Variants in TRPM3 observed in about 807,000 individuals in gnomAD.
TRPM3 encodes the protein transient receptor potential cation channel subfamily M member 3.
A neutral mutation model predicts 181.2 loss-of-function variants in TRPM3; 77 were observed. The ratio of observed to expected loss-of-function variants is 0.42; its 90% CI spans 0.35 to 0.51. The LOEUF (loss-of-function observed/expected upper bound fraction) is 0.51, where lower values mean the gene tolerates loss of function less well. Ranked by LOEUF, TRPM3 falls within the 20% of genes least tolerant of loss-of-function variation. The pLI is 0.01. For synonymous variants in TRPM3, 745 were observed against 796.4 expected, an observed-to-expected ratio of 0.94 and a Z score of 1.09; for missense variants, 1,759 against 2,196.7, an observed-to-expected ratio of 0.80 and a Z score of 3.98.
intron 7 of TRPM3, among the ~76,000 whole-genome samples, chr9:70,771,975 G>A (rs1454628675): frequency 6.6e-6 from 1 of 152,144 alleles, no homozygotes; most frequent in Non-Finnish European, 1.5e-5. Context: ...CCAGTGCCTA[G>A]AATAGTGCCT....
chr9:70,887,148 G>T (rs2132778753), intron 1 of TRPM3, among the ~76,000 whole-genome samples: 1 of 152,218 alleles, frequency 6.6e-6, no homozygotes, highest in South Asian at 2.1e-4. Context: ...GTTACCTGTG[G>T]CTAGTGGATT....
intron 22 of TRPM3, among the ~76,000 whole-genome samples, chr9:70,562,262 T>A (rs1377257052): frequency 6.6e-6 from 1 of 152,216 alleles, no homozygotes; most frequent in East Asian, 1.9e-4. Context: ...TGATATTTTG[T>A]CACTCCACGA....
At chr9:70,583,059 C>G (rs180849554) in intron 22 of TRPM3, among the ~76,000 whole-genome samples, 1 of 151,988 alleles carries the variant, frequency 6.6e-6, no homozygotes, top group Non-Finnish European at 1.5e-5. Context: ...GGCTTGGTAC[C>G]CCCCACCCCA....
At chr9:70,747,426 GTT>G (rs1173420567) in intron 8 of TRPM3, among the ~76,000 whole-genome samples, 1 of 152,162 alleles carries the variant, frequency 6.6e-6, no homozygotes, top group Non-Finnish European at 1.5e-5. Context: ...AAGGAGATCT[GTT>G]TGGTTAGTGT....
chr9:71,333,744 T>G (rs2090373471), intron 1 of TRPM3, among the ~76,000 whole-genome samples: 1 of 151,884 alleles, frequency 6.6e-6, no homozygotes, highest in Non-Finnish European at 1.5e-5. Flanking sequence ...ACACCTGGAT[T>G]CCTTATGCAC....
At chr9:70,573,107 T>C (rs1049331997) in intron 22 of TRPM3, among the ~76,000 whole-genome samples, 3 of 152,068 alleles carry the variant, frequency 2.0e-5, no homozygotes, top group Admixed American at 6.5e-5. Flanking sequence ...ATTATTTCAA[T>C]ATATAAGTGT....
intron 1 of TRPM3, among the ~76,000 whole-genome samples, chr9:71,149,968 T>A (rs2075642475): frequency 6.6e-6 from 1 of 152,068 alleles, no homozygotes; most frequent in African/African-American, 2.4e-5. Context: ...AGTAAGATCC[T>A]GTCTCAAATA....
At chr9:70,637,378 G>T (rs1303223881) in intron 11 of TRPM3, among the ~76,000 whole-genome samples, 1 of 152,042 alleles carries the variant, frequency 6.6e-6, no homozygotes, top group African/African-American at 2.4e-5. Context: ...CCTCAACAAA[G>T]TATTCCGGGA....
chr9:70,587,707 GTCA>G (rs1207156456), intron 22 of TRPM3, among the ~76,000 whole-genome samples: 2 of 152,170 alleles, frequency 1.3e-5, no homozygotes, highest in Admixed American at 1.3e-4. Context: ...CCAAAAGGGT[GTCA>G]TCATTTGGTA....
At chr9:70,950,573 A>G (rs2096987213) in intron 1 of TRPM3, among the ~76,000 whole-genome samples, 1 of 152,214 alleles carries the variant, frequency 6.6e-6, no homozygotes, top group Non-Finnish European at 1.5e-5. Flanking sequence ...CTATTGAGGA[A>G]CAGCGTTCTT....
chr9:71,082,475 T>G (rs1291364662), intron 1 of TRPM3, among the ~76,000 whole-genome samples: 6 of 152,198 alleles, frequency 3.9e-5, no homozygotes, highest in Non-Finnish European at 8.8e-5. Flanking sequence ...AAGTTAGAGC[T>G]GTGTTCTAAC....
At chr9:71,432,120 A>AT (rs955524453) in intron 1 of TRPM3, among the ~76,000 whole-genome samples, 1 of 152,202 alleles carries the variant, frequency 6.6e-6, no homozygotes. Context: ...TGTATGATTC[A>AT]TAAACTATGC....
chr9:71,050,600 A>C (rs1249749148), intron 1 of TRPM3, among the ~76,000 whole-genome samples: 1 of 152,212 alleles, frequency 6.6e-6, no homozygotes, highest in East Asian at 1.9e-4. Context: ...ATCTTTATAT[A>C]CTACTTGTTG....
intron 1 of TRPM3, among the ~76,000 whole-genome samples, chr9:70,985,486 G>A (rs551329594): frequency 6.6e-6 from 1 of 152,242 alleles, no homozygotes; most frequent in East Asian, 1.9e-4. Context: ...CAAGCTTCTT[G>A]TTATGCAGGA....
chr9:70,881,768 C>T (rs2095997511), intron 1 of TRPM3, among the ~76,000 whole-genome samples: 2 of 152,194 alleles, frequency 1.3e-5, no homozygotes, highest in South Asian at 4.1e-4. Context: ...GTTTCCTTTA[C>T]AGTACTGCCT....
chr9:71,441,228 T>C (rs1050667027), intron 1 of TRPM3, among the ~76,000 whole-genome samples: 1 of 133,484 alleles, frequency 7.5e-6, no homozygotes, highest in Non-Finnish European at 1.6e-5. Flanking sequence ...GAAAATGGTC[T>C]TTTTTTTTTC....
chr9:70,615,885 A>G (rs747080381), intron 18 of TRPM3, 23 bp downstream of exon 18: 1 of 1,586,812 alleles, frequency 6.3e-7, no homozygotes, highest in Admixed American at 1.9e-5. Flanking sequence ...CCCATAGAGA[A>G]TAACTGTGCA....
At chr9:70,982,246 C>G (rs2097370960) in intron 1 of TRPM3, among the ~76,000 whole-genome samples, 1 of 152,178 alleles carries the variant, frequency 6.6e-6, no homozygotes, top group African/African-American at 2.4e-5. Context: ...ATGTAAATCT[C>G]AAAGGGGCTT....
chr9:71,343,449 G>A (rs1030614471), intron 1 of TRPM3, among the ~76,000 whole-genome samples: 3 of 151,904 alleles, frequency 2.0e-5, no homozygotes, highest in African/African-American at 7.3e-5. Context: ...CCATTCTGGG[G>A]TTACTTTATG....
Sources: allele counts gnomAD v4.1 joint callset (sites outside exome capture counted in the v4.1 genomes callset), GRCh38; gene constraint gnomAD v4.1.1; transcripts MANE v1.5; gene names NCBI Gene and HGNC (gene_info 2026-07-23, HGNC 2026-07-21).